Variants in ANKRD31 observed in about 807,000 individuals in gnomAD.
ANKRD31 encodes the protein ankyrin repeat domain 31.
ANKRD31 carries 147 observed loss-of-function variants against 186.0 expected under a neutral mutation model. The observed-to-expected ratio is 0.79, with a 90% CI of 0.69 to 0.91. The LOEUF is 0.91. Among genes scored for constraint, ANKRD31 ranks in the 40% least tolerant of loss-of-function variants. ANKRD31 has a pLI of 0.00. For missense variants in ANKRD31, 1,986 were observed against 2,148.8 expected (o/e 0.92, Z 1.50); for synonymous variants, 673 against 736.4 (o/e 0.91, Z 1.39).
At position 75,195,768 on chromosome 5, in the gene ANKRD31, T is replaced by G. The variant is rs780498779; in HGVS notation, c.880A>C (p.Asn294His). The change falls in exon 7 of 26, where the codon AAC becomes CAC. Residue 294 changes from asparagine to histidine, a missense_variant. Asn to His is a moderately conservative substitution (Grantham distance 68). Transcript: ENST00000506364. The part of the protein sequence containing the change: ...ALPAELLEAL[N>H]TLSEAKVETI... ...TCCACCTTGGCTTCTGACAATGTGT[T>G]CAGGGCTTCCAATAACTCAGCTGGC... The G allele has an allele frequency of 1.4e-5, 22 of 1,537,554 alleles. No homozygotes were observed. In the South Asian group the frequency reaches 2.6e-4, roughly 18 times the overall value.
intron 25 of ANKRD31, among the ~76,000 whole-genome samples, chr5:75,071,797 C>T (rs1042329078): frequency 3.3e-5 from 5 of 151,992 alleles, no homozygotes; most frequent in Non-Finnish European, 5.9e-5. Context: ...CGCGCCCGGC[C>T]GAAAAACTGT....
At chr5:75,128,639 G>A (rs1275742081) in intron 17 of ANKRD31, among the ~76,000 whole-genome samples, 10 of 151,060 alleles carry the variant, frequency 6.6e-5, no homozygotes. Flanking sequence ...AAGTAGCTGA[G>A]ACTACAGGCA....
intron 15 of ANKRD31, among the ~76,000 whole-genome samples, chr5:75,139,963 A>G (rs1271752128): frequency 6.6e-6 from 1 of 152,140 alleles, no homozygotes; most frequent in Non-Finnish European, 1.5e-5. Context: ...CAAAGCCAGG[A>G]ACCTGAAGGT....
intron 5 of ANKRD31, among the ~76,000 whole-genome samples, chr5:75,204,910 AG>A (rs1375643055): frequency 1.3e-5 from 2 of 152,228 alleles, no homozygotes; most frequent in Non-Finnish European, 2.9e-5. Flanking sequence ...TTTTTGAGAT[AG>A]GGTCTCACTC....
chr5:75,175,381 A>T (rs141200342), intron 10 of ANKRD31, among the ~76,000 whole-genome samples: 12 of 152,272 alleles, frequency 7.9e-5, no homozygotes, highest in African/African-American at 1.9e-4. Context: ...CAAGTATATT[A>T]AAAAAAGAAT....
chr5:75,202,154 A>G (rs1222199360), intron 5 of ANKRD31, among the ~76,000 whole-genome samples: 1 of 152,216 alleles, frequency 6.6e-6, no homozygotes, highest in Admixed American at 6.5e-5. Flanking sequence ...ACATGTTCTC[A>G]GAGTTTCCTG....
At chr5:75,181,115 C>G (rs376104140) in intron 10 of ANKRD31, among the ~76,000 whole-genome samples, 2 of 151,870 alleles carry the variant, frequency 1.3e-5, no homozygotes, top group South Asian at 2.1e-4. Context: ...ATTTATGCAG[C>G]CAAAAAACAC....
chr5:75,153,102 T>C (rs1451299824), intron 12 of ANKRD31, among the ~76,000 whole-genome samples: 1 of 151,948 alleles, frequency 6.6e-6, no homozygotes, highest in East Asian at 1.9e-4. Context: ...AGCTGCCAGG[T>C]TGTCAGCAGC....
At chr5:75,110,466 CT>C (rs1333816277) in intron 20 of ANKRD31, among the ~76,000 whole-genome samples, 1 of 151,928 alleles carries the variant, frequency 6.6e-6, no homozygotes, top group Non-Finnish European at 1.5e-5. Context: ...AATCCCAGCA[CT>C]TTGGGAGGTC....
At chr5:75,212,778 T>A (rs1756732987) in intron 3 of ANKRD31, among the ~76,000 whole-genome samples, 1 of 152,244 alleles carries the variant, frequency 6.6e-6, no homozygotes, top group Admixed American at 6.5e-5. Context: ...AATCTTTACC[T>A]TTAATATGTT....
In ANKRD31 at chr5:75,104,972, TGATTGGG is replaced by T; in HGVS notation, c.4580_4586del (p.Pro1527GlnfsTer31). On this transcript the variant is annotated frameshift_variant, in exon 22 of 26. Coordinates refer to ENST00000506364, the MANE Select transcript of ANKRD31 (RefSeq NM_001372053.1). LOFTEE classifies it high-confidence loss of function. ...TTCCAGAAACAGGAGAAAGTGAACC[TGATTGGG>T]GATGCTCTAAATTTTCCAGACTAGT... 6.5e-7 allele frequency: 1 copy of T among 1,537,190 alleles called. No homozygotes were observed. The highest frequency in any genetic ancestry group is 2.4e-5 in the East Asian group (1 of 40,902).
At chr5:75,174,787 T>G (rs1489910576) in intron 10 of ANKRD31, among the ~76,000 whole-genome samples, 1 of 152,204 alleles carries the variant, frequency 6.6e-6, no homozygotes, top group Non-Finnish European at 1.5e-5. Flanking sequence ...GGTGGGAGTG[T>G]AAATTAGTTC....
At chr5:75,116,420 A>C (rs916415562) in intron 19 of ANKRD31, 146 bp downstream of exon 19, 2 of 252,776 alleles carry the variant, frequency 7.9e-6, no homozygotes, top group African/African-American at 2.3e-5. Flanking sequence ...AATAATAAAA[A>C]ATAAATAAAT....
chr5:75,104,438 C>T lies in ANKRD31; in HGVS notation c.5121G>A (p.Gln1707=). The T allele has an allele frequency of 2.6e-6, 4 of 1,537,198 alleles. No individual in the cohort carries two copies. The highest frequency in any genetic ancestry group is 3.5e-6 in the Non-Finnish European group (4 of 1,146,894). Residue 1707 remains glutamine (Q), a synonymous_variant, in exon 22 of 26, where the codon CAG becomes CAA. Coordinates refer to ENST00000506364, the MANE Select transcript of ANKRD31 (RefSeq NM_001372053.1). ...IAVLGSDTVH[Q]MKPYLKKSVS... ...CTGATTTTTTAAGATATGGTTTCAT[C>T]TGATGCACTGTATCACTGCCTAAGA...
chr5:75,129,127 C>T (rs1749515139), intron 17 of ANKRD31, among the ~76,000 whole-genome samples: 1 of 152,070 alleles, frequency 6.6e-6, no homozygotes, highest in Non-Finnish European at 1.5e-5. Flanking sequence ...AGAGTCCTCA[C>T]AAGATCTGGT....
chr5:75,233,937 T>C (rs1349706465), intron 1 of ANKRD31, among the ~76,000 whole-genome samples: 2 of 152,128 alleles, frequency 1.3e-5, no homozygotes, highest in African/African-American at 4.8e-5. Flanking sequence ...ATAGTCCAGA[T>C]TCTTTCCTAA....
At chr5:75,188,472 T>C (rs1373489508) in intron 10 of ANKRD31, 21 bp downstream of exon 10, 7 of 1,529,028 alleles carry the variant, frequency 4.6e-6, no homozygotes, top group Admixed American at 2.0e-5. Flanking sequence ...AAGGTAACTG[T>C]GGGTGGTAAT....
intron 10 of ANKRD31, among the ~76,000 whole-genome samples, chr5:75,181,005 G>C (rs1011742425): frequency 2.7e-5 from 4 of 146,606 alleles, no homozygotes; most frequent in Non-Finnish European, 4.5e-5. Flanking sequence ...CTAATATCCA[G>C]AATCTACAAT....
chr5:75,156,738 C>A (rs999343846), intron 11 of ANKRD31, among the ~76,000 whole-genome samples: 31 of 152,132 alleles, frequency 2.0e-4, no homozygotes, highest in South Asian at 2.1e-4. Flanking sequence ...TGAAGTGATG[C>A]AGTCAAAATC....
Sources: allele counts gnomAD v4.1 joint callset (sites outside exome capture counted in the v4.1 genomes callset), GRCh38; gene constraint gnomAD v4.1.1; transcripts MANE v1.5; gene names NCBI Gene and HGNC (gene_info 2026-07-23, HGNC 2026-07-21).